The following GABRE variants were observed in gnomAD, a reference collection of about 807,000 sequenced individuals.
GABRE encodes gamma-aminobutyric acid receptor subunit epsilon.
In GABRE, 20 loss-of-function variants were observed where a neutral mutation model predicts 31.0. That is an observed-to-expected ratio of 0.64 (90% CI 0.45 to 0.94). The LOEUF is 0.94. Ranked by LOEUF, GABRE falls within the 40% of genes least tolerant of loss-of-function variation. The pLI, the probability that GABRE is intolerant of heterozygous loss-of-function variation, is 0.00. For synonymous variants in GABRE, 155 were observed against 150.6 expected, an observed-to-expected ratio of 1.03 and a Z score of -0.21; for missense variants, 420 against 410.7, an observed-to-expected ratio of 1.02 and a Z score of -0.20.
intron 3 of GABRE, chrX:151,969,250 C>G (rs1406587317): frequency 1.8e-5 from 2 of 112,403 alleles, no homozygotes; most frequent in African/African-American, 6.6e-5. Flanking sequence ...ATGATGAAAG[C>G]CAAATGGGGG....
At chrX:151,969,277 A>G (rs1207044086) in intron 3 of GABRE, 1 of 116,948 alleles carries the variant, frequency 8.6e-6, no homozygotes, top group Non-Finnish European at 1.8e-5. Context: ...TGACACTATG[A>G]TGATACGAGT....
In GABRE at chrX:151,959,774, T is replaced by G. The variant is rs2471384; in HGVS notation, c.784+65A>C. 1,827 of 1,107,629 alleles carry G rather than the reference T, an allele frequency of 1.6e-3. 26 individuals carry two copies. In the African/African-American group the frequency reaches 0.03, roughly 18 times the overall value. The allele number at this position is 1,107,629 out of a possible 1,213,427, so 91.3% of individuals were successfully genotyped here. On this transcript the variant is annotated intron_variant, in intron 6 of 8. Coordinates refer to ENST00000370328, the MANE Select transcript of GABRE (RefSeq NM_004961.4). ...ACGGGATGACTGCAAAGCATTTGTATGGATGGCCATCTCCAATCATCCCTA... is the reference window on the plus strand; with the variant it reads ...ACGGGATGACTGCAAAGCATTTGTAGGGATGGCCATCTCCAATCATCCCTA...
At chrX:151,955,328 A>G in intron 8 of GABRE, 40 bp downstream of exon 8, 17 of 1,208,717 alleles carry the variant, frequency 1.4e-5, no homozygotes, top group Non-Finnish European at 1.8e-5. Context: ...ATGTCTCTAC[A>G]CTCCAAAGCC....
Position 151,954,930 on chromosome X carries a change from G to A in GABRE, c.1292C>T (p.Pro431Leu), listed in dbSNP as rs779462218. The change falls in exon 9 of 9, where the codon CCA becomes CTA. Residue 431 changes from proline (P) to leucine (L), a missense_variant. Physicochemically the swap from Pro to Leu is moderately conservative, Grantham distance 98. Coordinates refer to ENST00000370328, the MANE Select transcript of GABRE (RefSeq NM_004961.4). Reference sequence around the variant, plus strand: ...GCTGCGGGGACCCTCAGGGCTACCTGGGCTAGGGGGCTGCTGGGCTGAGCA... The same window carrying A: ...GCTGCGGGGACCCTCAGGGCTACCTAGGCTAGGGGGCTGCTGGGCTGAGCA... ...PSCSAQQPPS[P>L]GSPEGPRSLC... 8.3e-7 allele frequency: 1 copy of A among 1,209,562 alleles called. No homozygotes were observed. Among genetic ancestry groups the A allele is most frequent in the Admixed American group, 2.2e-5 (1 of 45,845 alleles).
chrX:151,955,622 TAA>T, intron 7 of GABRE, 55 bp from the exon 8 acceptor site: 2 of 1,198,191 alleles, frequency 1.7e-6, no homozygotes, highest in Non-Finnish European at 2.3e-6. Context: ...CGACATTGGT[TAA>T]AAGACTCCAT....
At chrX:151,974,463 G>T in intron 1 of GABRE, 107 bp downstream of exon 1, 1 of 525,259 alleles carries the variant, frequency 1.9e-6, no homozygotes, top group Non-Finnish European at 2.9e-6. Context: ...CAAAGCGGGC[G>T]CGGGGCTCGA....
intron 6 of GABRE, chrX:151,957,372 G>T (rs1031184057): frequency 3.3e-6 from 1 of 307,037 alleles, no homozygotes; most frequent in Non-Finnish European, 6.2e-6. Flanking sequence ...GGAAACCTGT[G>T]TGTTGAGTAT....
intron 6 of GABRE, chrX:151,957,724 G>A (rs188664506): frequency 1.7e-5 from 4 of 233,532 alleles, no homozygotes; most frequent in East Asian, 1.2e-4. Flanking sequence ...AGAGAAGCAC[G>A]GGTAAGGAAA....
chrX:151,962,346 G>A (rs1939320560), intron 4 of GABRE, 77 bp downstream of exon 4: 1 of 897,703 alleles, frequency 1.1e-6, no homozygotes, highest in Admixed American at 2.4e-5. Context: ...TGAGATCTCT[G>A]CCCATGGATC....
At chrX:151,961,157 A>C in intron 5 of GABRE, 126 bp downstream of exon 5, 1 of 496,848 alleles carries the variant, frequency 2.0e-6, no homozygotes, top group Non-Finnish European at 3.6e-6. Context: ...GGAGGATGGA[A>C]GTCCTGCACA....
At chrX:151,971,934 T>C (rs56192501) in intron 1 of GABRE, 102,617 of 255,699 alleles carry the variant, frequency 0.4, 17,986 homozygotes, top group African/African-American at 0.57. Context: ...TGCAATGCTG[T>C]ATTTCCTGAT....
chrX:151,955,314 T>C, intron 8 of GABRE, 54 bp downstream of exon 8: 1 of 1,209,135 alleles, frequency 8.3e-7, no homozygotes, highest in Non-Finnish European at 1.1e-6. Flanking sequence ...GTACCCTTGC[T>C]AGCATGTCTC....
At position 151,954,675 on chromosome X, in the gene GABRE, T is replaced by C. The variant is rs188355390; in HGVS notation, c.*26A>G. Reference sequence around the variant, plus strand: ...TGGACCTCCTGGGGAACTGGAGAGGTTGCCCCACAGGGTACCAGCTGGTAC... The same window carrying C: ...TGGACCTCCTGGGGAACTGGAGAGGCTGCCCCACAGGGTACCAGCTGGTAC... On this transcript the variant is annotated 3_prime_UTR_variant, in exon 9 of 9. Transcript: ENST00000370328. 3.1e-3 allele frequency: 3,433 copies of C among 1,111,949 alleles called. 9 individuals carry two copies. The highest frequency in any genetic ancestry group is 3.7e-3 in the Non-Finnish European group (3,067 of 834,658). 91.6% of individuals were successfully genotyped at this position (1,111,949 alleles called of 1,213,427 possible).
intron 6 of GABRE, chrX:151,959,298 G>C (rs1934280046): frequency 4.2e-6 from 1 of 239,574 alleles, no homozygotes; most frequent in Admixed American, 5.6e-5. Context: ...CCTTTGATAA[G>C]AATCTGTGCT....
At chrX:151,956,378 C>A in intron 6 of GABRE, 1 of 119,709 alleles carries the variant, frequency 8.4e-6, no homozygotes. Context: ...AAAATGCCTT[C>A]GTGAGTGAGC....
At chrX:151,974,072 CTT>C (rs752634066) in intron 1 of GABRE, among the ~76,000 whole-genome samples, 106 of 110,947 alleles carry the variant, frequency 9.6e-4, no homozygotes, top group Non-Finnish European at 1.6e-3. Context: ...AGTAGGCACT[CTT>C]AAAAAAAATG....
Position 151,954,697 on chromosome X carries a change from G to C in GABRE, c.*4C>G, listed in dbSNP as rs754820653. On this transcript the variant is annotated 3_prime_UTR_variant, in exon 9 of 9. Coordinates refer to ENST00000370328, the MANE Select transcript of GABRE (RefSeq NM_004961.4). Reference sequence around the variant, plus strand: ...AGGTTGCCCCACAGGGTACCAGCTGGTACCTACAAGTTAAGGCAAACAAGC... The same window carrying C: ...AGGTTGCCCCACAGGGTACCAGCTGCTACCTACAAGTTAAGGCAAACAAGC... 2.6e-5 allele frequency: 31 copies of C among 1,182,795 alleles called. No homozygotes were observed. The East Asian group carries it at 9.3e-4, about 35-fold the overall frequency.
In GABRE at chrX:151,973,623, A is replaced by T. The variant is rs758210241; in HGVS notation, c.56+947T>A. On this transcript the variant is annotated intron_variant, in intron 1 of 8. Transcript: ENST00000370328. ...AGCTCCACAGATCAGGAAGCTTGCA[A>T]ATTTGTGACACTTCACACACAGCAG... Among the ~76,000 whole-genome samples the T allele has an allele frequency of 3.6e-5, 4 of 111,339 alleles. No homozygotes were observed. The East Asian group carries it at 8.6e-4, about 24-fold the overall frequency.
rs374796522 is a variant in GABRE, at chrX:151,959,959, C to T, written c.664G>A (p.Glu222Lys). The change falls in exon 6 of 9, where the codon GAG (glutamate) becomes AAG (lysine). Residue 222 changes from glutamate to lysine, a missense_variant. Coordinates refer to ENST00000370328, the MANE Select transcript of GABRE (RefSeq NM_004961.4). ...SFSSFSYPEN[E>K]MIYKWENFKL... ...AAATTTTCCCACTTGTAGATCATCT[C>T]ATTCTCAGGATAGGAAACTGGAAAG... 1.1e-4 allele frequency: 127 copies of T among 1,208,082 alleles called. No individual in the cohort carries two copies. The highest frequency in any genetic ancestry group is 1.4e-4 in the Non-Finnish European group (125 of 894,314).
Sources: gnomAD v4.1 joint callset for allele counts (sites outside exome capture counted in the v4.1 genomes callset) on GRCh38, gnomAD v4.1.1 for gene constraint, MANE v1.5 for transcripts, NCBI Gene and HGNC (gene_info 2026-07-23, HGNC 2026-07-21) for gene names.